The following ABRAXAS2 variants were observed in gnomAD, a reference collection of about 807,000 sequenced individuals.
ABRAXAS2 encodes BRISC complex subunit Abraxas 2.
ABRAXAS2 carries 23 observed loss-of-function variants against 49.0 expected under a neutral mutation model. That is an observed-to-expected ratio of 0.47 (90% confidence interval 0.34 to 0.66). ABRAXAS2 has a LOEUF of 0.66. Among genes scored for constraint, ABRAXAS2 ranks in the 30% least tolerant of loss-of-function variants. The probability of loss-of-function intolerance (pLI) is 0.01; values close to 1 mark genes in which losing one functional copy is unlikely to be tolerated. For synonymous variants in ABRAXAS2, 168 were observed against 180.2 expected (o/e 0.93, Z 0.54); for missense variants, 443 against 511.9 (o/e 0.87, Z 1.30).
At chr10:124,816,157 TC>T (rs1950823878) in intron 2 of ABRAXAS2, among the ~76,000 whole-genome samples, 1 of 152,106 alleles carries the variant, frequency 6.6e-6, no homozygotes, top group South Asian at 2.1e-4. Context: ...CGCCTCAGCT[TC>T]CCAAAGTGCT....
chr10:124,811,169 G>T (rs1474042586), intron 2 of ABRAXAS2, among the ~76,000 whole-genome samples: 3 of 151,708 alleles, frequency 2.0e-5, no homozygotes, highest in Non-Finnish European at 2.9e-5. Flanking sequence ...TGAGATCTGC[G>T]CCACTGCACT....
At chr10:124,829,770 A>G (rs1422187808) in intron 7 of ABRAXAS2, among the ~76,000 whole-genome samples, 2 of 152,226 alleles carry the variant, frequency 1.3e-5, no homozygotes, top group Non-Finnish European at 2.9e-5. Context: ...TGCTAAGAAC[A>G]TAGCTGTCTC....
intron 7 of ABRAXAS2, 84 bp downstream of exon 7, chr10:124,829,561 A>G: frequency 1.1e-6 from 1 of 902,808 alleles, no homozygotes. Flanking sequence ...TTGTCTTCCA[A>G]CTGACAAATA....
chr10:124,829,581 T>A (rs773545398), intron 7 of ABRAXAS2, 104 bp downstream of exon 7: 24 of 746,388 alleles, frequency 3.2e-5, no homozygotes, highest in Middle Eastern at 2.9e-4. Flanking sequence ...AGAGTTAGGA[T>A]CCGAAAGTCA....
rs772538049 is a variant in ABRAXAS2 at position 124,806,938 on chromosome 10, A to G, written c.163+17A>G. 19 of 1,499,264 alleles carry G rather than the reference A, an allele frequency of 1.3e-5. No individual in the cohort carries two copies. In the East Asian group the frequency reaches 3.6e-4, roughly 29 times the overall value. The allele number at this position is 1,499,264 out of a possible 1,614,324, so 92.9% of individuals were successfully genotyped here. ...AAGTAATTGGTAAGTAAATTTCTCA[A>G]TGACCTTAGAAATATCTTTTTTGTA... On this transcript the variant is annotated intron_variant, in intron 2 of 8. Coordinates refer to ENST00000298492, the MANE Select transcript of ABRAXAS2 (RefSeq NM_032182.4).
Position 124,831,416 on chromosome 10 carries a change from TAAG to T in ABRAXAS2, c.736_738del (p.Arg246del), listed in dbSNP as rs1418791902. On this transcript the variant is annotated inframe_deletion, in exon 8 of 9. Coordinates refer to ENST00000298492, the MANE Select transcript of ABRAXAS2 (RefSeq NM_032182.4). The stretch of plus-strand genomic sequence containing the variant: ...TCTTGTCAGGCAGAAGTGAACAAAT[TAAG>T]AAGACAAATCACTCAGAGGAAAAAT... The T allele has an allele frequency of 3.7e-6, 6 of 1,611,984 alleles. No individual in the cohort carries two copies. The African/African-American group carries it at 5.3e-5, about 14-fold the overall frequency.
chr10:124,818,666 A>G (rs865878633), intron 3 of ABRAXAS2, among the ~76,000 whole-genome samples: 1 of 152,234 alleles, frequency 6.6e-6, no homozygotes, highest in Non-Finnish European at 1.5e-5. Context: ...GGTAGGAAAG[A>G]AGTAGAGGTG....
rs1950965216 is a variant in ABRAXAS2 at position 124,835,744 on chromosome 10, C to G, written c.*773C>G. ...CTCTGTTCTGGAATCTTGGAGGACA[C>G]ACAGCAGTGGAGAACAGAAGGAGTG... is the stretch of plus-strand genomic sequence containing the variant. On this transcript the variant is annotated 3_prime_UTR_variant, in exon 9 of 9. Transcript: ENST00000298492. 6.6e-6 allele frequency: 1 copy of G among 152,142 alleles called. No individual in the cohort carries two copies. The highest frequency in any genetic ancestry group is 2.4e-5 in the African/African-American group (1 of 41,408). 9.4% of individuals were successfully genotyped at this position (152,142 alleles called of 1,614,324 possible).
rs759056605 is a variant in ABRAXAS2, at chr10:124,836,267, A to G, written c.*1296A>G. The G allele has an allele frequency of 6.6e-6, 1 of 152,344 alleles. No individual in the cohort carries two copies. The highest frequency in any genetic ancestry group is 1.5e-5 in the Non-Finnish European group (1 of 68,042). 9.4% of individuals were successfully genotyped at this position (152,344 alleles called of 1,614,324 possible). On this transcript the variant is annotated 3_prime_UTR_variant, in exon 9 of 9. Transcript: ENST00000298492. ...GGTTCTGAAAAAGTAGTTTCAGTTT[A>G]TAGGATACACATTTACTCACTGAGC...
At chr10:124,817,863 A>G (rs142957749) in intron 3 of ABRAXAS2, among the ~76,000 whole-genome samples, 2,987 of 152,212 alleles carry the variant, frequency 0.02, 56 homozygotes, top group South Asian at 0.078. Flanking sequence ...ATTTACACAT[A>G]AGCAAAACAG....
At chr10:124,806,760 C>T in intron 1 of ABRAXAS2, 71 bp from the exon 2 acceptor site, 1 of 994,280 alleles carries the variant, frequency 1.0e-6, no homozygotes, top group Non-Finnish European at 1.5e-6. Flanking sequence ...TATATGTCCT[C>T]AATTCCTCTT....
chr10:124,816,340 G>T (rs7894046), intron 2 of ABRAXAS2, among the ~76,000 whole-genome samples: 2,418 of 152,240 alleles, frequency 0.016, 58 homozygotes, highest in African/African-American at 0.055. Flanking sequence ...TCAGAAATGT[G>T]CTCATCATAC....
chr10:124,810,828 G>T (rs762874578), intron 2 of ABRAXAS2, among the ~76,000 whole-genome samples: 7 of 151,332 alleles, frequency 4.6e-5, no homozygotes, highest in African/African-American at 1.5e-4. Flanking sequence ...TGATCCATCC[G>T]CCTTGGCCTC....
chr10:124,811,273 A>C (rs1047953950), intron 2 of ABRAXAS2, among the ~76,000 whole-genome samples: 1 of 152,114 alleles, frequency 6.6e-6, no homozygotes, highest in Admixed American at 6.6e-5. Flanking sequence ...ACATCTGTGC[A>C]GTTATTTATT....
intron 2 of ABRAXAS2, 65 bp from the exon 3 acceptor site, chr10:124,816,511 G>T: frequency 8.6e-7 from 1 of 1,159,834 alleles, no homozygotes; most frequent in Non-Finnish European, 1.3e-6. Flanking sequence ...AAAGTCCTGA[G>T]CTATTTTATA....
chr10:124,836,419 AC>A lies in ABRAXAS2; in HGVS notation c.*1449del, dbSNP rs1268781024. Reference sequence around the variant, plus strand: ...CTACTCTCCTGGTTATGTTGGCCTTACACCACTGCCATTTGATTTAAAACGC... The same window carrying A: ...CTACTCTCCTGGTTATGTTGGCCTTAACCACTGCCATTTGATTTAAAACGC... On this transcript the variant is annotated 3_prime_UTR_variant, in exon 9 of 9. Coordinates refer to ENST00000298492, the MANE Select transcript of ABRAXAS2 (RefSeq NM_032182.4). The A allele has an allele frequency of 2.1e-5, 3 of 143,570 alleles. No individual in the cohort carries two copies. Among genetic ancestry groups the A allele is most frequent in the Non-Finnish European group, 3.1e-5 (2 of 65,412 alleles). The allele number at this position is 143,570 out of a possible 1,614,324, so 8.9% of individuals were successfully genotyped here. A position where few individuals can be genotyped will look rare whatever the true frequency, so the allele number is the denominator to read the frequency against.
chr10:124,802,481 G>A (rs1055245110), intron 1 of ABRAXAS2, among the ~76,000 whole-genome samples: 6 of 152,186 alleles, frequency 3.9e-5, no homozygotes, highest in Non-Finnish European at 8.8e-5. Flanking sequence ...TTTCCTTGAA[G>A]TTGCGTGTTT....
intron 8 of ABRAXAS2, among the ~76,000 whole-genome samples, chr10:124,833,367 A>T (rs1434108419): frequency 6.6e-6 from 1 of 151,074 alleles, no homozygotes; most frequent in African/African-American, 2.4e-5. Context: ...TGGGAGGCTG[A>T]GGTGGGAGAA....
Position 124,836,580 on chromosome 10 carries a change from A to ATATTTT in ABRAXAS2, c.*1616_*1621dup, listed in dbSNP as rs1411277152. On this transcript the variant is annotated 3_prime_UTR_variant, in exon 9 of 9. Coordinates refer to ENST00000298492, the MANE Select transcript of ABRAXAS2 (RefSeq NM_032182.4). ...TGTTCAGATTTTGACATTCAGGAAA[A>ATATTTT]TATTTTTATTTTGATGCCATACTGA... The ATATTTT allele has an allele frequency of 2.0e-5, 3 of 152,594 alleles. No homozygotes were observed. The highest frequency in any genetic ancestry group is 7.2e-5 in the African/African-American group (3 of 41,440). 9.5% of individuals were successfully genotyped at this position (152,594 alleles called of 1,614,324 possible).
Sources: allele counts gnomAD v4.1 joint callset (sites outside exome capture counted in the v4.1 genomes callset), GRCh38; gene constraint gnomAD v4.1.1; transcripts MANE v1.5; gene names NCBI Gene and HGNC (gene_info 2026-07-23, HGNC 2026-07-21).